LRRTM3: variants seen among roughly 807,000 people sequenced by gnomAD.
The protein encoded by LRRTM3 is leucine-rich repeat transmembrane neuronal protein 3.
Under a neutral mutation model 44.7 loss-of-function variants are expected in LRRTM3, and 24 were observed. The ratio of observed to expected loss-of-function variants is 0.54; its 90% CI spans 0.39 to 0.76. LRRTM3 has a LOEUF of 0.76. LRRTM3 is among the 30% of genes least tolerant of loss of function. The pLI is 0.00. For synonymous variants in LRRTM3, 277 were observed against 278.7 expected, an observed-to-expected ratio of 0.99 and a Z score of 0.06; for missense variants, 587 against 702.2, an observed-to-expected ratio of 0.84 and a Z score of 1.85.
At chr10:66,970,054 G>C (rs1849633360) in intron 2 of LRRTM3, among the ~76,000 whole-genome samples, 1 of 152,112 alleles carries the variant, frequency 6.6e-6, no homozygotes, top group Non-Finnish European at 1.5e-5. Context: ...TAGGTTTAAT[G>C]CGTGGCACCT....
chr10:67,002,938 C>G (rs558456103), intron 2 of LRRTM3, among the ~76,000 whole-genome samples: 2 of 152,084 alleles, frequency 1.3e-5, no homozygotes, highest in East Asian at 3.9e-4. Flanking sequence ...TTTTCATTAC[C>G]TAAAATATAC....
At chr10:67,091,197 G>C (rs1446654643) in intron 2 of LRRTM3, among the ~76,000 whole-genome samples, 1 of 151,940 alleles carries the variant, frequency 6.6e-6, no homozygotes, top group Non-Finnish European at 1.5e-5. Context: ...CCCAAAGCTA[G>C]TTATGAAAAT....
At chr10:66,978,552 A>AATATATATATAT (rs1554890349) in intron 2 of LRRTM3, among the ~76,000 whole-genome samples, 594 of 37,674 alleles carry the variant, frequency 0.016, 13 homozygotes, top group Middle Eastern at 0.04. Context: ...AAAAAAAAAA[A>AATATATATATAT]ATATATATAT....
chr10:67,024,672 G>A, intron 2 of LRRTM3, among the ~76,000 whole-genome samples: 1 of 152,140 alleles, frequency 6.6e-6, no homozygotes, highest in East Asian at 1.9e-4. Context: ...TAGAAAAATA[G>A]ATAATTGGTT....
rs917925089 is a variant in LRRTM3 at position 67,098,048 on chromosome 10, CT to C, written c.*261del. 86 of 457,970 alleles carry C rather than the reference CT, an allele frequency of 1.9e-4. No homozygotes were observed. The highest frequency in any genetic ancestry group is 5.9e-4 in the African/African-American group (30 of 50,494). 28.4% of individuals were successfully genotyped at this position (457,970 alleles called of 1,614,324 possible). ...GTATGACCCTGAAAAATAAAAGAAT[CT>C]TTTTTTTTCAAAACTCATCCTACCT... On this transcript the variant is annotated 3_prime_UTR_variant, in exon 3 of 3. Coordinates refer to ENST00000361320, the MANE Select transcript of LRRTM3 (RefSeq NM_178011.5).
At chr10:66,985,760 A>T (rs1015077622) in intron 2 of LRRTM3, among the ~76,000 whole-genome samples, 1 of 151,956 alleles carries the variant, frequency 6.6e-6, no homozygotes, top group African/African-American at 2.4e-5. Flanking sequence ...ACAGAGTCTC[A>T]CTCTATCACC....
chr10:66,965,899 A>G (rs1414801713), intron 2 of LRRTM3, among the ~76,000 whole-genome samples: 1 of 152,286 alleles, frequency 6.6e-6, no homozygotes, highest in African/African-American at 2.4e-5. Context: ...AGAGAAATCC[A>G]TCCTCCTTGG....
chr10:67,045,617 C>A (rs180759554), intron 2 of LRRTM3, among the ~76,000 whole-genome samples: 1 of 152,298 alleles, frequency 6.6e-6, no homozygotes, highest in Non-Finnish European at 1.5e-5. Flanking sequence ...GCTGCCTTTG[C>A]GGCCAGACCC....
intron 2 of LRRTM3, among the ~76,000 whole-genome samples, chr10:67,076,118 G>A (rs1241899302): frequency 6.6e-6 from 1 of 152,190 alleles, no homozygotes; most frequent in Non-Finnish European, 1.5e-5. Flanking sequence ...AGATGGGAGG[G>A]TGGACCTTTT....
intron 2 of LRRTM3, among the ~76,000 whole-genome samples, chr10:66,931,225 A>C (rs1847370857): frequency 7.1e-6 from 1 of 141,730 alleles, no homozygotes; most frequent in African/African-American, 2.5e-5. Context: ...TGACCTGTTG[A>C]ACTATACAAC....
At chr10:67,043,356 C>T (rs370266326) in intron 2 of LRRTM3, among the ~76,000 whole-genome samples, 12 of 152,160 alleles carry the variant, frequency 7.9e-5, no homozygotes, top group African/African-American at 2.9e-4. Context: ...TACAGAACCA[C>T]AGCAATAATA....
chr10:66,985,936 C>T (rs574454339), intron 2 of LRRTM3, among the ~76,000 whole-genome samples: 114 of 152,172 alleles, frequency 7.5e-4, no homozygotes, highest in African/African-American at 2.7e-3. Flanking sequence ...CCATGTTGGC[C>T]AGGATGGTCT....
intron 2 of LRRTM3, among the ~76,000 whole-genome samples, chr10:67,091,962 T>A (rs1857669886): frequency 6.6e-6 from 1 of 152,008 alleles, no homozygotes; most frequent in East Asian, 1.9e-4. Flanking sequence ...ATTTCTTATT[T>A]TATATGTTAG....
intron 2 of LRRTM3, among the ~76,000 whole-genome samples, chr10:66,974,266 T>C (rs1206069629): frequency 6.6e-6 from 1 of 152,214 alleles, no homozygotes; most frequent in Non-Finnish European, 1.5e-5. Flanking sequence ...TCTGGTGACA[T>C]AGGCTGGAGA....
At chr10:67,023,984 T>G (rs1853191338) in intron 2 of LRRTM3, among the ~76,000 whole-genome samples, 1 of 152,222 alleles carries the variant, frequency 6.6e-6, no homozygotes, top group African/African-American at 2.4e-5. Context: ...GAGTCTATAT[T>G]AATTTCCTCT....
intron 2 of LRRTM3, among the ~76,000 whole-genome samples, chr10:67,058,049 C>T (rs1309761909): frequency 1.3e-5 from 2 of 152,132 alleles, no homozygotes; most frequent in South Asian, 2.1e-4. Flanking sequence ...TACAGTGTCC[C>T]CAAGACCTGT....
At chr10:67,088,862 A>G (rs1344477780) in intron 2 of LRRTM3, among the ~76,000 whole-genome samples, 1 of 152,078 alleles carries the variant, frequency 6.6e-6, no homozygotes, top group Non-Finnish European at 1.5e-5. Context: ...CCATATCCAT[A>G]GGTTCTACAT....
chr10:66,934,066 A>C (rs1468355661), intron 2 of LRRTM3, among the ~76,000 whole-genome samples: 1 of 152,110 alleles, frequency 6.6e-6, no homozygotes, highest in Non-Finnish European at 1.5e-5. Flanking sequence ...TTCCAGGAAC[A>C]CAGAGAGAAC....
chr10:67,000,860 G>A (rs897458178), intron 2 of LRRTM3, among the ~76,000 whole-genome samples: 3 of 152,136 alleles, frequency 2.0e-5, no homozygotes, highest in South Asian at 2.1e-4. Context: ...ATTTTGGTAT[G>A]TCTAGCCAAA....
Sources: allele counts gnomAD v4.1 joint callset (sites outside exome capture counted in the v4.1 genomes callset), GRCh38; gene constraint gnomAD v4.1.1; transcripts MANE v1.5; gene names NCBI Gene and HGNC (gene_info 2026-07-23, HGNC 2026-07-21).